The following CCDC175 variants were observed in gnomAD, a reference collection of about 807,000 sequenced individuals.
The protein encoded by CCDC175 is coiled-coil domain-containing protein 175.
A neutral mutation model predicts 114.6 loss-of-function variants in CCDC175; 100 were observed. That is an observed-to-expected ratio of 0.87 (90% CI 0.74 to 1.03). The LOEUF (loss-of-function observed/expected upper bound fraction) is 1.03, where lower values mean the gene tolerates loss of function less well. CCDC175 is among the 50% of genes least tolerant of loss of function. CCDC175 has a pLI of 0.00. For synonymous variants in CCDC175, 306 were observed against 308.7 expected (o/e 0.99, Z 0.09); for missense variants, 880 against 917.8 (o/e 0.96, Z 0.53).
chr14:59,565,375 G>T, intron 4 of CCDC175, 100 bp from the exon 5 acceptor site: 1 of 932,830 alleles, frequency 1.1e-6, no homozygotes, highest in South Asian at 1.7e-5. Flanking sequence ...AAAGTGTAAG[G>T]AATACTTATT....
In CCDC175 at chr14:59,505,254, A is replaced by C; in HGVS notation, c.2367T>G (p.Asn789Lys). 1 of 1,496,440 alleles carries C rather than the reference A, an allele frequency of 6.7e-7. No homozygotes were observed. Among genetic ancestry groups the C allele is most frequent in the Non-Finnish European group, 8.9e-7 (1 of 1,117,804 alleles). 92.7% of individuals were successfully genotyped at this position (1,496,440 alleles called of 1,614,324 possible). Residue 789 changes from asparagine (N) to lysine (K), a missense_variant, in exon 20 of 20, where the codon AAT becomes AAG. Transcript: ENST00000537690. ...HFPVVKCTEK[N>K]TLTK ...TATCCTTGAGTTACTTTGTTAATGT[A>C]TTTTTCTCAGTACATTTAACCACTG... is the stretch of plus-strand genomic sequence containing the variant.
intron 14 of CCDC175, among the ~76,000 whole-genome samples, chr14:59,530,173 C>A (rs1182532841): frequency 2.0e-5 from 3 of 151,932 alleles, no homozygotes; most frequent in Non-Finnish European, 4.4e-5. Flanking sequence ...TCACGACCAC[C>A]CTGACCAACA....
intron 19 of CCDC175, among the ~76,000 whole-genome samples, chr14:59,509,752 C>T (rs545083677): frequency 2.0e-5 from 3 of 152,270 alleles, no homozygotes; most frequent in African/African-American, 7.2e-5. Context: ...TCAAGCAATC[C>T]TCCTGCCTCA....
At chr14:59,560,841 T>C (rs1896189172) in intron 7 of CCDC175, among the ~76,000 whole-genome samples, 1 of 152,068 alleles carries the variant, frequency 6.6e-6, no homozygotes, top group African/African-American at 2.4e-5. Flanking sequence ...TTATAGGGAG[T>C]TCGGAACTGA....
In CCDC175 at chr14:59,545,247, T is replaced by C. The variant is rs188937550; in HGVS notation, c.1088A>G (p.Lys363Arg). ...ARMEYKDLRE[K>R]MKTLARQYKI... The stretch of plus-strand genomic sequence containing the variant: ...ATATTGTCTGGCAAGAGTTTTCATT[T>C]TCTCTCGTAGGTCTTTGTATTCCAT... The change falls in exon 9 of 20, where the codon AAA becomes AGA. Residue 363 changes from lysine (K) to arginine (R), a missense_variant. Coordinates refer to ENST00000537690, the MANE Select transcript of CCDC175 (RefSeq NM_001164399.2). The C allele has an allele frequency of 2.5e-5, 39 of 1,537,076 alleles. No homozygotes were observed. The highest frequency in any genetic ancestry group is 3.3e-5 in the Non-Finnish European group (38 of 1,146,804).
intron 8 of CCDC175, among the ~76,000 whole-genome samples, chr14:59,545,822 T>C (rs1895073174): frequency 6.6e-6 from 1 of 152,134 alleles, no homozygotes; most frequent in East Asian, 1.9e-4. Flanking sequence ...GGCTGAATAG[T>C]TCAAAACAAC....
Position 59,511,866 on chromosome 14 carries a change from C to T in CCDC175, c.2099-63G>A, listed in dbSNP as rs1892773546. On this transcript the variant is annotated intron_variant, in intron 17 of 19. Transcript: ENST00000537690. ...ACAATCTGAACATTTTAATAAAAGT[C>T]GTGTTATTCATTTTTGTTTTTTCAA... The T allele has an allele frequency of 1.0e-5, 12 of 1,203,416 alleles. 1 individual carries two copies. The highest frequency in any genetic ancestry group is 4.3e-5 in the South Asian group (3 of 70,522). The allele number at this position is 1,203,416 out of a possible 1,614,324, so 74.5% of individuals were successfully genotyped here.
chr14:59,514,439 A>C (rs1381969382), intron 17 of CCDC175, among the ~76,000 whole-genome samples: 1 of 152,230 alleles, frequency 6.6e-6, no homozygotes, highest in Non-Finnish European at 1.5e-5. Context: ...ACGAATGGCT[A>C]ACTAGAATAA....
intron 13 of CCDC175, among the ~76,000 whole-genome samples, chr14:59,533,760 G>GGGCA (rs1392242199): frequency 2.6e-5 from 4 of 151,890 alleles, no homozygotes; most frequent in Non-Finnish European, 4.4e-5. Context: ...AGGCAGAGGC[G>GGGCA]GGCAGATCAC....
intron 19 of CCDC175, 87 bp downstream of exon 19, chr14:59,510,559 A>T: frequency 7.6e-7 from 1 of 1,312,736 alleles, no homozygotes; most frequent in Non-Finnish European, 1.1e-6. Context: ...CACTTAGTTG[A>T]CACGTTTTTT....
intron 7 of CCDC175, among the ~76,000 whole-genome samples, chr14:59,552,043 C>T (rs759717779): frequency 6.6e-6 from 1 of 151,920 alleles, no homozygotes; most frequent in African/African-American, 2.4e-5. Flanking sequence ...ACTCTGGGGG[C>T]AGGACATAGC....
At chr14:59,529,115 C>A (rs1215803155) in intron 14 of CCDC175, among the ~76,000 whole-genome samples, 1 of 152,122 alleles carries the variant, frequency 6.6e-6, no homozygotes, top group Non-Finnish European at 1.5e-5. Flanking sequence ...TTTGAGGGGA[C>A]CATCGAATGT....
chr14:59,544,752 T>C (rs1306643397), intron 9 of CCDC175, among the ~76,000 whole-genome samples: 1 of 152,168 alleles, frequency 6.6e-6, no homozygotes, highest in Non-Finnish European at 1.5e-5. Context: ...TGCTCGAGCA[T>C]ATTATAAAGA....
chr14:59,538,343 T>C (rs1054989429), intron 12 of CCDC175, among the ~76,000 whole-genome samples, 189 bp from the exon 13 acceptor site: 1 of 152,190 alleles, frequency 6.6e-6, no homozygotes, highest in Non-Finnish European at 1.5e-5. Context: ...AGTGATATTT[T>C]TATAAATATG....
intron 7 of CCDC175, among the ~76,000 whole-genome samples, chr14:59,551,825 C>T (rs1354046659): frequency 2.0e-5 from 3 of 152,218 alleles, no homozygotes; most frequent in African/African-American, 4.8e-5. Flanking sequence ...GATTATATCC[C>T]GCGCATGGCT....
chr14:59,560,797 T>C (rs1050709980), intron 7 of CCDC175, among the ~76,000 whole-genome samples: 1 of 152,140 alleles, frequency 6.6e-6, no homozygotes, highest in Admixed American at 6.6e-5. Context: ...CTATGATATG[T>C]CCCACTAATG....
chr14:59,548,069 T>C (rs1895224990), intron 8 of CCDC175, among the ~76,000 whole-genome samples: 1 of 152,132 alleles, frequency 6.6e-6, no homozygotes, highest in Non-Finnish European at 1.5e-5. Flanking sequence ...CATCAGCCGA[T>C]GAATGGATAA....
At chr14:59,533,117 C>T (rs1156832575) in intron 13 of CCDC175, among the ~76,000 whole-genome samples, 1 of 152,180 alleles carries the variant, frequency 6.6e-6, no homozygotes, top group African/African-American at 2.4e-5. Context: ...GCAAGAGAGA[C>T]AGAGAGACTC....
At chr14:59,532,056 A>G in intron 13 of CCDC175, 146 bp from the exon 14 acceptor site, 1 of 551,228 alleles carries the variant, frequency 1.8e-6, no homozygotes, top group Non-Finnish European at 3.2e-6. Flanking sequence ...TATGGCATAT[A>G]CTAATCTTTT....
Sources: allele counts gnomAD v4.1 joint callset (sites outside exome capture counted in the v4.1 genomes callset), GRCh38; gene constraint gnomAD v4.1.1; transcripts MANE v1.5; gene names NCBI Gene and HGNC (gene_info 2026-07-23, HGNC 2026-07-21).